The following SPPL3 variants were observed in gnomAD, a reference collection of about 807,000 sequenced individuals.
SPPL3 encodes the protein signal peptide peptidase like 3, also known as signal peptide peptidase-like 3.
SPPL3 carries 5 observed loss-of-function variants against 42.4 expected under a neutral mutation model. That is an observed-to-expected ratio of 0.12 (90% CI 0.06 to 0.25). SPPL3 has a LOEUF of 0.25. SPPL3 is among the 10% of genes least tolerant of loss of function. The pLI is 1.00. For synonymous variants in SPPL3, 195 were observed against 181.8 expected (o/e 1.07, Z -0.58); for missense variants, 235 against 489.0 (o/e 0.48, Z 4.90).
intron 1 of SPPL3, among the ~76,000 whole-genome samples, chr12:120,818,656 C>G (rs1258874603): frequency 6.6e-6 from 1 of 152,210 alleles, no homozygotes; most frequent in African/African-American, 2.4e-5. Flanking sequence ...CAAAACCAAG[C>G]AACTACTATT....
intron 1 of SPPL3, among the ~76,000 whole-genome samples, chr12:120,856,719 CT>C (rs1756690675): frequency 6.6e-6 from 1 of 151,836 alleles, no homozygotes; most frequent in South Asian, 2.1e-4. Flanking sequence ...ATCAGGTAGC[CT>C]CACAAAACCC....
chr12:120,766,100 GCA>G (rs111837123), intron 10 of SPPL3, among the ~76,000 whole-genome samples, 161 bp downstream of exon 10: 10,779 of 83,626 alleles, frequency 0.13, 480 homozygotes, highest in Admixed American at 0.16. Context: ...GCGCGCGCGC[GCA>G]CACACACACA....
At chr12:120,860,749 A>G (rs1418779310) in intron 1 of SPPL3, among the ~76,000 whole-genome samples, 1 of 152,192 alleles carries the variant, frequency 6.6e-6, no homozygotes, top group Non-Finnish European at 1.5e-5. Flanking sequence ...TAGAAATAGT[A>G]AGAGAAGTAG....
chr12:120,771,244 G>T (rs1377231154), intron 6 of SPPL3, among the ~76,000 whole-genome samples: 1 of 152,216 alleles, frequency 6.6e-6, no homozygotes, highest in Admixed American at 6.5e-5. Flanking sequence ...TGGCTGACAA[G>T]GTCCTGCTGT....
intron 1 of SPPL3, among the ~76,000 whole-genome samples, chr12:120,863,606 C>T (rs1193966109): frequency 1.3e-5 from 2 of 152,058 alleles, no homozygotes; most frequent in African/African-American, 2.4e-5. Context: ...TTCAGGTAAT[C>T]GTAGATATTA....
At chr12:120,843,803 C>A (rs1871919883) in intron 1 of SPPL3, among the ~76,000 whole-genome samples, 1 of 152,038 alleles carries the variant, frequency 6.6e-6, no homozygotes, top group African/African-American at 2.4e-5. Flanking sequence ...ACCAAACATA[C>A]AAAAATTAGC....
intron 6 of SPPL3, among the ~76,000 whole-genome samples, chr12:120,775,777 C>T (rs548318365): frequency 1.1e-4 from 16 of 152,268 alleles, no homozygotes; most frequent in Admixed American, 6.5e-4. Flanking sequence ...GACTTCAGTT[C>T]GGGAAAATCC....
intron 2 of SPPL3, among the ~76,000 whole-genome samples, chr12:120,805,967 A>G (rs1236810737): frequency 6.6e-6 from 1 of 151,180 alleles, no homozygotes; most frequent in Non-Finnish European, 1.5e-5. Context: ...AAACTGATCT[A>G]TAGATTCACA....
intron 1 of SPPL3, among the ~76,000 whole-genome samples, chr12:120,858,471 A>C (rs1009211858): frequency 4.6e-5 from 7 of 151,856 alleles, no homozygotes; most frequent in Admixed American, 1.3e-4. Context: ...AAACAAAAAA[A>C]AAAACAAAGA....
At chr12:120,871,568 C>T (rs1419474745) in intron 1 of SPPL3, among the ~76,000 whole-genome samples, 11 of 152,228 alleles carry the variant, frequency 7.2e-5, no homozygotes, top group Middle Eastern at 3.4e-3. Context: ...GCCCGGCCAA[C>T]GTGGTGAAAC....
chr12:120,789,892 G>A (rs1421887852), intron 3 of SPPL3, among the ~76,000 whole-genome samples: 1 of 149,636 alleles, frequency 6.7e-6, no homozygotes, highest in Admixed American at 6.6e-5. Flanking sequence ...TGTACGGACT[G>A]GCACAACCAT....
At chr12:120,870,311 G>A (rs1872882800) in intron 1 of SPPL3, among the ~76,000 whole-genome samples, 1 of 152,166 alleles carries the variant, frequency 6.6e-6, no homozygotes, top group African/African-American at 2.4e-5. Flanking sequence ...TGGTCGTGGT[G>A]GCGCATGCCT....
At chr12:120,784,618 AATAAC>A in intron 3 of SPPL3, 25 bp from the exon 4 acceptor site, 1 of 1,584,192 alleles carries the variant, frequency 6.3e-7, no homozygotes, top group Non-Finnish European at 8.6e-7. Flanking sequence ...CAGACAGATT[AATAAC>A]TTATTATGCA....
chr12:120,881,046 AAC>A (rs139801818), intron 1 of SPPL3, among the ~76,000 whole-genome samples: 6,913 of 151,916 alleles, frequency 0.046, 226 homozygotes, highest in Non-Finnish European at 0.069. Flanking sequence ...ATTGAAAGAA[AAC>A]ACACACACAC....
At chr12:120,899,337 C>T (rs939264252) in intron 1 of SPPL3, among the ~76,000 whole-genome samples, 6 of 152,174 alleles carry the variant, frequency 3.9e-5, no homozygotes, top group African/African-American at 1.4e-4. Flanking sequence ...GGGTTATAAA[C>T]ACTTATTTTT....
At chr12:120,865,437 T>C (rs1293962875) in intron 1 of SPPL3, among the ~76,000 whole-genome samples, 2 of 152,250 alleles carry the variant, frequency 1.3e-5, no homozygotes, top group Non-Finnish European at 2.9e-5. Context: ...TGTAAGGCCT[T>C]GTACAGATTA....
chr12:120,847,313 G>C (rs1015200517), intron 1 of SPPL3, among the ~76,000 whole-genome samples: 4 of 152,016 alleles, frequency 2.6e-5, no homozygotes, highest in African/African-American at 9.7e-5. Context: ...TATTTTTTAA[G>C]ACAGGGTCTC....
At chr12:120,779,158 A>G (rs1266026093) in intron 6 of SPPL3, among the ~76,000 whole-genome samples, 1 of 152,230 alleles carries the variant, frequency 6.6e-6, no homozygotes, top group Non-Finnish European at 1.5e-5. Context: ...TCAGTCATAC[A>G]AAGTATATAT....
chr12:120,826,019 CG>C (rs1871221858), intron 1 of SPPL3, among the ~76,000 whole-genome samples: 1 of 105,344 alleles, frequency 9.5e-6, no homozygotes, highest in Non-Finnish European at 2.6e-5. Flanking sequence ...TTAGGACGGG[CG>C]CAGTGGCTCA....
Sources: allele counts gnomAD v4.1 joint callset (sites outside exome capture counted in the v4.1 genomes callset), GRCh38; gene constraint gnomAD v4.1.1; transcripts MANE v1.5; gene names NCBI Gene and HGNC (gene_info 2026-07-23, HGNC 2026-07-21).